Variants in C4orf51 observed in about 807,000 individuals in gnomAD.
The protein encoded by C4orf51 is chromosome 4 open reading frame 51, also known as uncharacterized protein C4orf51.
Under a neutral mutation model 25.2 loss-of-function variants are expected in C4orf51, and 25 were observed. That is an observed-to-expected ratio of 0.99 (90% confidence interval 0.72 to 1.39). The LOEUF is 1.39. C4orf51 is among the 40% of genes most tolerant of loss of function. C4orf51 has a pLI of 0.00. For synonymous variants in C4orf51, 100 were observed against 84.5 expected, an observed-to-expected ratio of 1.18 and a Z score of -1.01; for missense variants, 252 against 239.6, an observed-to-expected ratio of 1.05 and a Z score of -0.34.
intron 1 of C4orf51, among the ~76,000 whole-genome samples, chr4:145,766,482 C>T (rs1212385130): frequency 6.6e-6 from 1 of 152,218 alleles, no homozygotes; most frequent in Non-Finnish European, 1.5e-5. Context: ...GATCAGTTTC[C>T]TGCCTTGAGA....
chr4:145,772,571 G>A (rs1736447957), downstream of C4orf51, among the ~76,000 whole-genome samples: 1 of 152,092 alleles, frequency 6.6e-6, no homozygotes, highest in African/African-American at 2.4e-5. Flanking sequence ...TTTGCATATT[G>A]TCTACGACTA....
chr4:145,691,849 T>C (rs1398821916), intron 1 of C4orf51, among the ~76,000 whole-genome samples: 2 of 152,234 alleles, frequency 1.3e-5, no homozygotes, highest in Admixed American at 1.3e-4. Context: ...AGGTTCAATA[T>C]AAGCCTAAAC....
In C4orf51 at chr4:145,761,917, C is replaced by T. The variant is rs1403991352; in HGVS notation, n.167-9071C>T. ...CAGGAATCAATTTGCTGGTGCTCCC[C>T]TCCAGCCCCCGCCCGGCCCCTCGGA... is the stretch of plus-strand genomic sequence containing the variant. On this transcript the variant is annotated intron_variant and non_coding_transcript_variant, in intron 1 of 1. Coordinates refer to the C4orf51 transcript ENST00000510096. The surrounding 1 kb of genome is among the most constrained non-coding windows in gnomAD (Gnocchi z 6.8). Among the ~76,000 whole-genome samples, 4 of 152,222 alleles carry T rather than the reference C, an allele frequency of 2.6e-5. No homozygotes were observed. The highest frequency in any genetic ancestry group is 7.2e-5 in the African/African-American group (3 of 41,462).
chr4:145,737,480 T>C (rs1489532652), downstream of C4orf51, among the ~76,000 whole-genome samples: 5 of 152,242 alleles, frequency 3.3e-5, no homozygotes, highest in Admixed American at 6.5e-5. Flanking sequence ...TTACTGCTTA[T>C]AGCCCATCAT....
chr4:145,705,369 T>TG (rs1730736988), intron 2 of C4orf51, among the ~76,000 whole-genome samples: 2 of 152,290 alleles, frequency 1.3e-5, no homozygotes, highest in South Asian at 4.2e-4. Flanking sequence ...CATAACCTGA[T>TG]GGTTGCCTGA....
chr4:145,755,114 GCTGA>G (rs1387667875), downstream of C4orf51, among the ~76,000 whole-genome samples: 3 of 152,114 alleles, frequency 2.0e-5, no homozygotes, highest in Non-Finnish European at 2.9e-5. Context: ...CTTTCAAAAG[GCTGA>G]CTTTTTCTTG....
intron 1 of C4orf51, among the ~76,000 whole-genome samples, chr4:145,683,655 CT>C (rs1312776148): frequency 6.6e-6 from 1 of 152,178 alleles, no homozygotes; most frequent in Non-Finnish European, 1.5e-5. Context: ...AAATATTGTT[CT>C]TTTCAACAAA....
intron 1 of C4orf51, among the ~76,000 whole-genome samples, chr4:145,694,722 G>C (rs111294631): frequency 0.01 from 1,525 of 150,650 alleles, 19 homozygotes; most frequent in African/African-American, 0.036. Flanking sequence ...CGCCCCTACT[G>C]GGAAGTGAGG....
chr4:145,743,060 A>C (rs1387144441), intron 1 of C4orf51, among the ~76,000 whole-genome samples: 2 of 152,182 alleles, frequency 1.3e-5, no homozygotes, highest in Non-Finnish European at 2.9e-5. Flanking sequence ...CAAGTTTTAT[A>C]GGTTAGGTAA....
chr4:145,689,098 G>A (rs747479232), intron 1 of C4orf51, among the ~76,000 whole-genome samples: 12 of 152,066 alleles, frequency 7.9e-5, no homozygotes, highest in Non-Finnish European at 1.2e-4. Flanking sequence ...AAAGAAAGGC[G>A]GTTTTCAATT....
At chr4:145,779,313 G>A in the C4orf51 span, 3 of 1,560,586 alleles carry the variant, frequency 1.9e-6, no homozygotes, top group Middle Eastern at 2.0e-4. Context: ...TCAGTTTCCG[G>A]AGAGTAAAGA....
chr4:145,680,492 C>T (rs1042467616), intron 1 of C4orf51, 56 bp downstream of exon 1: 17 of 1,313,364 alleles, frequency 1.3e-5, no homozygotes, highest in Non-Finnish European at 1.7e-5. Context: ...GACAAGAGTG[C>T]TCTTAGAAGA....
intron 2 of C4orf51, among the ~76,000 whole-genome samples, chr4:145,707,217 G>A (rs915521550): frequency 3.9e-5 from 6 of 152,166 alleles, no homozygotes; most frequent in Non-Finnish European, 5.9e-5. Flanking sequence ...GGGATTACAG[G>A]CGTGAGCCAC....
intron 1 of C4orf51, among the ~76,000 whole-genome samples, chr4:145,690,842 T>A (rs905722491): frequency 3.9e-5 from 6 of 152,100 alleles, no homozygotes; most frequent in African/African-American, 1.4e-4. Context: ...GGCTCATGAC[T>A]GTAATCCCAG....
Position 145,732,537 on chromosome 4 carries a change from G to A in C4orf51, c.586G>A (p.Gly196Arg), listed in dbSNP as rs1290919615. Residue 196 changes from glycine to arginine, a missense_variant, in exon 6 of 6, where the codon GGA becomes AGA. Coordinates refer to ENST00000438731, the MANE Select transcript of C4orf51 (RefSeq NM_001080531.3). ...TCGATACTCCGATTATGGCTGGGGA[G>A]GACCCTCATCGCCATTTAACTGAGT... ...ADRYSDYGWGGPSSPFN is the reference protein window; with the variant it reads ...ADRYSDYGWGRPSSPFN 1.2e-6 allele frequency: 2 copies of A among 1,609,410 alleles called. No homozygotes were observed. Among genetic ancestry groups the A allele is most frequent in the East Asian group, 2.2e-5 (1 of 44,854 alleles).
At position 145,762,624 on chromosome 4, in the gene C4orf51, C is replaced by T. The variant is rs756398455; in HGVS notation, n.167-8364C>T. On this transcript the variant is annotated intron_variant and non_coding_transcript_variant, in intron 1 of 1. Transcript: ENST00000510096. This position sits in a 1 kb window ranked among gnomAD's most constrained non-coding sequence, Gnocchi z 4.9. ...CACCTTGTCAGGCTGGAGCTGGACA[C>T]CCTAGCCTGGGCCTCTCTGTGGCTC... 3.9e-5 allele frequency among the ~76,000 whole-genome samples: 6 copies of T among 152,102 alleles called. No individual in the cohort carries two copies. Among genetic ancestry groups the T allele is most frequent in the Non-Finnish European group, 7.4e-5 (5 of 68,022 alleles).
intron 1 of C4orf51, among the ~76,000 whole-genome samples, chr4:145,766,519 G>A (rs1014398373): frequency 3.9e-5 from 6 of 152,206 alleles, no homozygotes; most frequent in Non-Finnish European, 8.8e-5. Context: ...GCAGAGAGAA[G>A]GAACCAGGTG....
downstream of C4orf51, among the ~76,000 whole-genome samples, chr4:145,772,027 C>T (rs1736366681): frequency 6.6e-6 from 1 of 152,200 alleles, no homozygotes; most frequent in African/African-American, 2.4e-5. Context: ...ACCATAGGGT[C>T]TAGAACCTGG....
chr4:145,696,229 T>C (rs948865847), intron 1 of C4orf51, among the ~76,000 whole-genome samples: 5 of 152,072 alleles, frequency 3.3e-5, no homozygotes, highest in African/African-American at 9.7e-5. Context: ...ACCACTGCAC[T>C]CCAGCCTGGT....
Sources: allele counts gnomAD v4.1 joint callset (sites outside exome capture counted in the v4.1 genomes callset), GRCh38; gene constraint gnomAD v4.1.1; non-coding constraint Gnocchi (gnomAD v3.1); transcripts MANE v1.5; gene names NCBI Gene and HGNC (gene_info 2026-07-23, HGNC 2026-07-21).